Variants in MCTP2 observed in about 807,000 individuals in gnomAD.
MCTP2 encodes multiple C2 and transmembrane domain-containing protein 2.
A neutral mutation model predicts 111.6 loss-of-function variants in MCTP2; 132 were observed. That is an observed-to-expected ratio of 1.18 (90% CI 1.03 to 1.37). The LOEUF is 1.37. Ranked by LOEUF, MCTP2 falls within the 40% of genes most tolerant of loss-of-function variation. The pLI is 0.00. For synonymous variants in MCTP2, 395 were observed against 387.7 expected (o/e 1.02, Z -0.22); for missense variants, 1,183 against 1,067.9 (o/e 1.11, Z -1.50).
chr15:94,357,555 T>TG (rs1047391984), intron 9 of MCTP2, among the ~76,000 whole-genome samples: 5 of 142,592 alleles, frequency 3.5e-5, no homozygotes, highest in Non-Finnish European at 6.2e-5. Flanking sequence ...TTGTTTTTTT[T>TG]TTTGTTTTTG....
chr15:94,296,905 A>T (rs1246170039), intron 1 of MCTP2, among the ~76,000 whole-genome samples: 1 of 152,224 alleles, frequency 6.6e-6, no homozygotes, highest in Non-Finnish European at 1.5e-5. Context: ...GGCAAGGGCT[A>T]TAGAGACAAA....
intron 19 of MCTP2, among the ~76,000 whole-genome samples, chr15:94,457,896 C>T (rs1596785295): frequency 6.6e-6 from 1 of 152,090 alleles, no homozygotes; most frequent in African/African-American, 2.4e-5. Flanking sequence ...GTGGGCTTCC[C>T]TTTATCACCT....
intron 21 of MCTP2, among the ~76,000 whole-genome samples, chr15:94,474,118 A>G (rs1490828180): frequency 6.6e-6 from 1 of 152,120 alleles, no homozygotes; most frequent in Non-Finnish European, 1.5e-5. Context: ...TTCTTTCGCT[A>G]AAAGTAATTT....
chr15:94,458,157 G>T lies in MCTP2; in HGVS notation c.2271G>T (p.Leu757Phe). Reference sequence around the variant, plus strand: ...TCTAGGAATCTGAGAAAAAGGGGTTGATTGAAAGAATCTATATGGTACAGG... The same window carrying T: ...TCTAGGAATCTGAGAAAAAGGGGTTTATTGAAAGAATCTATATGGTACAGG... The part of the protein sequence containing the change: ...EDDKESEKKG[L>F]IERIYMVQDI... The change falls in exon 20 of 23, where the codon TTG (leucine) becomes TTT (phenylalanine). Residue 757 changes from leucine (L) to phenylalanine (F), a missense_variant. Physicochemically the swap from Leu to Phe is conservative, Grantham distance 22 (BLOSUM62 0). Transcript: ENST00000357742. 1 of 1,608,438 alleles carries T rather than the reference G, an allele frequency of 6.2e-7. No homozygotes were observed. The highest frequency in any genetic ancestry group is 1.1e-5 in the South Asian group (1 of 90,806).
chr15:94,447,859 A>T (rs996618993), intron 19 of MCTP2, among the ~76,000 whole-genome samples: 1 of 152,252 alleles, frequency 6.6e-6, no homozygotes, highest in Admixed American at 6.5e-5. Flanking sequence ...ACCTTCAGGG[A>T]TATACAATTT....
chr15:94,430,746 C>T lies in MCTP2; in HGVS notation c.2086-9430C>T, dbSNP rs183654453. ...TAGCCTTGGTGACAGAGTGAGACTA[C>T]GTCTCAAAAATAAAAAATAAAAAAA... On this transcript the variant is annotated intron_variant, in intron 17 of 22. Coordinates refer to ENST00000357742, the MANE Select transcript of MCTP2 (RefSeq NM_001385001.1). Among the ~76,000 whole-genome samples, 1,271 of 151,738 alleles carry T rather than the reference C, an allele frequency of 8.4e-3. 10 individuals are homozygous for T. The highest frequency in any genetic ancestry group is 0.012 in the Non-Finnish European group (839 of 67,928).
At chr15:94,457,386 A>G (rs2084899209) in intron 19 of MCTP2, among the ~76,000 whole-genome samples, 1 of 152,228 alleles carries the variant, frequency 6.6e-6, no homozygotes, top group Admixed American at 6.5e-5. Context: ...TTCTATAAGC[A>G]AAGTAAGGAT....
chr15:94,332,577 C>T (rs1055894403), intron 4 of MCTP2, among the ~76,000 whole-genome samples: 1 of 152,138 alleles, frequency 6.6e-6, no homozygotes, highest in Non-Finnish European at 1.5e-5. Flanking sequence ...ATCTTAAGCT[C>T]TCCCAAAGAA....
intron 11 of MCTP2, among the ~76,000 whole-genome samples, chr15:94,369,512 C>G (rs2079373799): frequency 6.6e-6 from 1 of 152,148 alleles, no homozygotes; most frequent in Non-Finnish European, 1.5e-5. Flanking sequence ...TTGGCTGGTA[C>G]AAACTCAAGG....
At chr15:94,263,315 C>G (rs1489577536) in intron 1 of MCTP2, among the ~76,000 whole-genome samples, 2 of 152,124 alleles carry the variant, frequency 1.3e-5, no homozygotes, top group Admixed American at 6.5e-5. Context: ...CAAGTCAAAA[C>G]AAACACTGAA....
intron 19 of MCTP2, among the ~76,000 whole-genome samples, chr15:94,443,565 C>T (rs750859752): frequency 2.6e-5 from 4 of 152,006 alleles, no homozygotes; most frequent in African/African-American, 9.7e-5. Context: ...GTATCTGGGG[C>T]GAGGGATGGT....
chr15:94,243,928 T>TGTGTATATATTTACAC (rs2071409622), intron 1 of MCTP2, among the ~76,000 whole-genome samples: 1 of 54,648 alleles, frequency 1.8e-5, no homozygotes, highest in Non-Finnish European at 4.8e-5. Flanking sequence ...TATTTACACA[T>TGTGTATATATTTACAC]ATGTGTACAC....
intron 20 of MCTP2, among the ~76,000 whole-genome samples, chr15:94,470,016 G>A (rs2073781187): frequency 6.6e-6 from 1 of 152,116 alleles, no homozygotes; most frequent in South Asian, 2.1e-4. Context: ...TCCATGCATA[G>A]CCATCGTGGC....
chr15:94,299,220 A>G (rs1403170081), intron 2 of MCTP2, among the ~76,000 whole-genome samples: 1 of 151,866 alleles, frequency 6.6e-6, no homozygotes, highest in South Asian at 2.1e-4. Context: ...TAACTCTTCC[A>G]GAATACTTTA....
chr15:94,287,977 T>C (rs2074841298), intron 1 of MCTP2, among the ~76,000 whole-genome samples: 1 of 152,156 alleles, frequency 6.6e-6, no homozygotes, highest in South Asian at 2.1e-4. Flanking sequence ...TATCTCACTT[T>C]TGTCATGCCC....
At chr15:94,244,372 G>T (rs1596151093) in intron 1 of MCTP2, among the ~76,000 whole-genome samples, 1 of 147,352 alleles carries the variant, frequency 6.8e-6, no homozygotes, top group Non-Finnish European at 1.5e-5. Flanking sequence ...GTATATATAC[G>T]TATATGTATA....
At chr15:94,359,474 CA>C (rs1355785073) in intron 10 of MCTP2, among the ~76,000 whole-genome samples, 38 of 152,234 alleles carry the variant, frequency 2.5e-4, no homozygotes, top group Non-Finnish European at 2.9e-5. Flanking sequence ...GGATCCCAAC[CA>C]CTACGGGGTG....
At chr15:94,309,466 A>T (rs1371674155) in intron 2 of MCTP2, among the ~76,000 whole-genome samples, 8 of 152,186 alleles carry the variant, frequency 5.3e-5, no homozygotes, top group Admixed American at 5.2e-4. Flanking sequence ...TCTTCCTCTG[A>T]AATGTAAACA....
intron 1 of MCTP2, among the ~76,000 whole-genome samples, chr15:94,280,398 A>T (rs761136623): frequency 1.4e-5 from 2 of 140,396 alleles, no homozygotes; most frequent in Admixed American, 7.2e-5. Context: ...GCATAAAGGC[A>T]TCCATTAGTC....
Sources: gnomAD v4.1 joint callset for allele counts (sites outside exome capture counted in the v4.1 genomes callset) on GRCh38, gnomAD v4.1.1 for gene constraint, MANE v1.5 for transcripts, NCBI Gene and HGNC (gene_info 2026-07-23, HGNC 2026-07-21) for gene names.